The following IL19 variants were observed in gnomAD, a reference collection of about 807,000 sequenced individuals.
IL19 encodes interleukin 19.
Under a neutral mutation model 19.5 loss-of-function variants are expected in IL19, and 15 were observed. The ratio of observed to expected loss-of-function variants is 0.77; its 90% CI spans 0.52 to 1.19. The LOEUF is 1.19. Among genes scored for constraint, IL19 ranks in the 50% most tolerant of loss-of-function variants. The probability of loss-of-function intolerance (pLI) is 0.00; values close to 1 mark genes in which losing one functional copy is unlikely to be tolerated. For synonymous variants in IL19, 78 were observed against 78.3 expected (o/e 1.00, Z 0.02); for missense variants, 199 against 213.1 (o/e 0.93, Z 0.41).
chr1:206,794,320 G>C (rs1194006970), intron 1 of IL19, among the ~76,000 whole-genome samples: 1 of 152,160 alleles, frequency 6.6e-6, no homozygotes. Context: ...GGCACTCAAT[G>C]CGTGGTGGTT....
chr1:206,806,113 G>A (rs1403544852), intron 2 of IL19, among the ~76,000 whole-genome samples: 1 of 152,096 alleles, frequency 6.6e-6, no homozygotes, highest in Admixed American at 6.6e-5. Context: ...ATTTTGATTG[G>A]CTTGGCTTGG....
chr1:206,771,981 C>A (rs890823529), intron 1 of IL19, among the ~76,000 whole-genome samples: 2 of 152,226 alleles, frequency 1.3e-5, no homozygotes, highest in African/African-American at 4.8e-5. Context: ...TTTACTTCTC[C>A]TAGCCAATAA....
intron 1 of IL19, among the ~76,000 whole-genome samples, chr1:206,796,630 A>G (rs150224142): frequency 2.0e-5 from 3 of 152,218 alleles, no homozygotes; most frequent in Admixed American, 6.5e-5. Context: ...ACCTACCATC[A>G]TGTTACAATT....
intron 2 of IL19, among the ~76,000 whole-genome samples, chr1:206,804,474 T>C (rs2102463236): frequency 6.6e-6 from 1 of 152,328 alleles, no homozygotes; most frequent in African/African-American, 2.4e-5. Context: ...ATTTAGGTAA[T>C]GAGAAGCTGA....
At chr1:206,806,748 T>C (rs1046292075) in intron 2 of IL19, among the ~76,000 whole-genome samples, 1 of 152,202 alleles carries the variant, frequency 6.6e-6, no homozygotes, top group African/African-American at 2.4e-5. Context: ...TCTGGTATCG[T>C]GTTAGTCCAA....
intron 2 of IL19, among the ~76,000 whole-genome samples, chr1:206,806,318 G>A (rs1484981511): frequency 7.5e-6 from 1 of 133,768 alleles, no homozygotes; most frequent in Non-Finnish European, 1.6e-5. Context: ...GGGGATGAAT[G>A]CTAGGTAGGC....
At chr1:206,790,838 T>C (rs1363643709) in intron 1 of IL19, among the ~76,000 whole-genome samples, 1 of 152,222 alleles carries the variant, frequency 6.6e-6, no homozygotes, top group Admixed American at 6.5e-5. Flanking sequence ...GCTTAGCACA[T>C]GCCTCAACCT....
chr1:206,784,337 G>A (rs1407451892), intron 1 of IL19, among the ~76,000 whole-genome samples: 1 of 152,146 alleles, frequency 6.6e-6, no homozygotes, highest in Non-Finnish European at 1.5e-5. Flanking sequence ...CCCTCGGCAG[G>A]AGCGAGCGAA....
intron 2 of IL19, 152 bp from the exon 3 acceptor site, chr1:206,836,509 C>T: frequency 4.5e-6 from 3 of 673,752 alleles, no homozygotes; most frequent in Non-Finnish European, 2.5e-6. Flanking sequence ...GATACATACC[C>T]CTGTAACTCC....
chr1:206,781,847 ATATACATATATAT>A, intron 1 of IL19, among the ~76,000 whole-genome samples: 1 of 141,916 alleles, frequency 7.0e-6, no homozygotes, highest in Non-Finnish European at 1.5e-5. Context: ...TGTGGGTTAT[ATATACATATATAT>A]GTATATAGTT....
intron 1 of IL19, among the ~76,000 whole-genome samples, chr1:206,794,280 G>C (rs1373004006): frequency 6.6e-6 from 1 of 152,178 alleles, no homozygotes; most frequent in Non-Finnish European, 1.5e-5. Flanking sequence ...TGAAATAACA[G>C]ATGGAAAGTT....
chr1:206,840,053 G>C (rs1287387457), intron 5 of IL19, 51 bp downstream of exon 5: 12 of 1,608,658 alleles, frequency 7.5e-6, no homozygotes, highest in Admixed American at 3.3e-5. Context: ...TGCCCAAGGA[G>C]AGGCCAGGAA....
intron 6 of IL19, among the ~76,000 whole-genome samples, chr1:206,841,334 G>A (rs777053440): frequency 1.6e-4 from 24 of 152,154 alleles, no homozygotes; most frequent in Non-Finnish European, 3.2e-4. Flanking sequence ...GTATGATTTG[G>A]GGAAAGCACC....
chr1:206,842,405 T>C, intron 6 of IL19, 122 bp from the exon 7 acceptor site: 1 of 618,798 alleles, frequency 1.6e-6, no homozygotes, highest in Non-Finnish European at 2.8e-6. Flanking sequence ...TGCAAATATA[T>C]TTCGTGACAA....
chr1:206,771,701 C>A (rs3024491), intron 1 of IL19, among the ~76,000 whole-genome samples: 58,349 of 152,090 alleles, frequency 0.38, 12,267 homozygotes, highest in Non-Finnish European at 0.48. Context: ...GAGCTACATT[C>A]GGCTTTAAGG....
chr1:206,822,181 G>T (rs558178728), intron 2 of IL19, among the ~76,000 whole-genome samples: 1 of 152,174 alleles, frequency 6.6e-6, no homozygotes, highest in Non-Finnish European at 1.5e-5. Flanking sequence ...AGCGGGGCAG[G>T]GTCCTGAGTA....
intron 1 of IL19, among the ~76,000 whole-genome samples, chr1:206,774,980 A>G (rs1674955859): frequency 6.6e-6 from 1 of 152,138 alleles, no homozygotes; most frequent in African/African-American, 2.4e-5. Context: ...GGAGGTATGT[A>G]AAAGCCATTT....
intron 1 of IL19, among the ~76,000 whole-genome samples, chr1:206,779,142 A>G (rs768975371): frequency 7.9e-5 from 12 of 152,210 alleles, no homozygotes; most frequent in Non-Finnish European, 1.2e-4. Flanking sequence ...CTTGGATGGA[A>G]TGTGCACAGA....
intron 2 of IL19, among the ~76,000 whole-genome samples, chr1:206,800,364 T>G (rs1572554498): frequency 6.6e-6 from 1 of 152,004 alleles, no homozygotes. Flanking sequence ...GCAGTGGTGG[T>G]GGGGTAGGGG....
Sources: gnomAD v4.1 joint callset for allele counts (sites outside exome capture counted in the v4.1 genomes callset) on GRCh38, gnomAD v4.1.1 for gene constraint, MANE v1.5 for transcripts, NCBI Gene and HGNC (gene_info 2026-07-23, HGNC 2026-07-21) for gene names.